Variants in AXDND1 observed in about 807,000 individuals in gnomAD.
The protein encoded by AXDND1 is axonemal dynein light chain domain containing 1.
AXDND1 carries 110 observed loss-of-function variants against 137.5 expected under a neutral mutation model. The observed-to-expected ratio is 0.80, with a 90% CI of 0.69 to 0.94. The LOEUF is 0.94. Among genes scored for constraint, AXDND1 ranks in the 40% least tolerant of loss-of-function variants. The pLI, the probability that AXDND1 is intolerant of heterozygous loss-of-function variation, is 0.00. For synonymous variants in AXDND1, 414 were observed against 399.7 expected (o/e 1.04, Z -0.43); for missense variants, 1,191 against 1,169.8 (o/e 1.02, Z -0.26).
At chr1:179,393,208 A>G (rs1412952925) in intron 9 of AXDND1, among the ~76,000 whole-genome samples, 2 of 152,082 alleles carry the variant, frequency 1.3e-5, no homozygotes, top group African/African-American at 4.8e-5. Context: ...TCCCAGCACC[A>G]TTTGTTGAAA....
chr1:179,383,412 T>C (rs1417956697), intron 7 of AXDND1, 30 bp from the exon 8 acceptor site: 2 of 1,527,456 alleles, frequency 1.3e-6, no homozygotes, highest in Non-Finnish European at 1.8e-6. Flanking sequence ...GCAATGTTAA[T>C]TGCATAAGTC....
intron 22 of AXDND1, among the ~76,000 whole-genome samples, chr1:179,527,035 C>T (rs1237540598): frequency 6.6e-6 from 1 of 152,194 alleles, no homozygotes; most frequent in South Asian, 2.1e-4. Flanking sequence ...GAATTCAGAG[C>T]GAGTTTGCAG....
chr1:179,381,283 CT>C (rs1436167881), intron 6 of AXDND1, among the ~76,000 whole-genome samples: 4 of 151,198 alleles, frequency 2.6e-5, no homozygotes, highest in Non-Finnish European at 5.9e-5. Context: ...CTCAGGTGAT[CT>C]GCCCGCTTTG....
intron 4 of AXDND1, among the ~76,000 whole-genome samples, chr1:179,372,033 G>A (rs1172212831): frequency 6.6e-6 from 1 of 152,154 alleles, no homozygotes; most frequent in African/African-American, 2.4e-5. Flanking sequence ...GACCTACAGA[G>A]CAGTAAGATA....
chr1:179,442,456 C>T (rs999593410), intron 15 of AXDND1, among the ~76,000 whole-genome samples: 4 of 152,310 alleles, frequency 2.6e-5, no homozygotes, highest in African/African-American at 9.6e-5. Flanking sequence ...CAATTTTCCA[C>T]ATCAAGAGTG....
intron 18 of AXDND1, among the ~76,000 whole-genome samples, chr1:179,486,958 A>G (rs148696830): frequency 0.014 from 2,046 of 148,798 alleles, 297 homozygotes; most frequent in African/African-American, 0.051. Flanking sequence ...GATCAAATCC[A>G]CACATATCAA....
chr1:179,547,402 A>G (rs1476136050), intron 25 of AXDND1, among the ~76,000 whole-genome samples: 2 of 152,352 alleles, frequency 1.3e-5, no homozygotes, highest in East Asian at 1.9e-4. Context: ...AAGCAAGCCT[A>G]CTAATCCCTC....
At chr1:179,449,377 CAT>C (rs1660212580) in intron 16 of AXDND1, 1 of 223,718 alleles carries the variant, frequency 4.5e-6, no homozygotes, top group Non-Finnish European at 9.2e-6. Flanking sequence ...CTATTCTACT[CAT>C]GTGTATGTTT....
At chr1:179,414,796 A>G (rs575430783) in intron 12 of AXDND1, among the ~76,000 whole-genome samples, 1 of 152,320 alleles carries the variant, frequency 6.6e-6, no homozygotes, top group South Asian at 2.1e-4. Flanking sequence ...GAATTTGGCA[A>G]GTTGTTTATA....
At chr1:179,418,214 G>C (rs982256292) in intron 12 of AXDND1, among the ~76,000 whole-genome samples, 2 of 151,912 alleles carry the variant, frequency 1.3e-5, no homozygotes, top group African/African-American at 4.8e-5. Context: ...CTGCCTTCAA[G>C]CATCTGTTTA....
rs1183546339 is a variant in AXDND1 at position 179,491,525 on chromosome 1, C to G, written c.2092-13C>G. On this transcript the variant is annotated splice_polypyrimidine_tract_variant and intron_variant, in intron 18 of 25. Coordinates refer to ENST00000367618, the MANE Select transcript of AXDND1 (RefSeq NM_144696.6). ...TAAAGTGGGTCATTTGTATTATACT[C>G]ATTTTTTAACAGATGGATGAGTTAC... 3 of 1,548,022 alleles carry G rather than the reference C, an allele frequency of 1.9e-6. No individual in the cohort carries two copies. The African/African-American group carries it at 4.1e-5, about 21-fold the overall frequency.
At chr1:179,521,274 G>T (rs1670036058) in intron 21 of AXDND1, among the ~76,000 whole-genome samples, 1 of 152,006 alleles carries the variant, frequency 6.6e-6, no homozygotes, top group Admixed American at 6.6e-5. Flanking sequence ...TATATGCTGT[G>T]ACTTTACTAA....
intron 11 of AXDND1, among the ~76,000 whole-genome samples, chr1:179,409,369 TA>T (rs79836504): frequency 6.6e-6 from 1 of 152,198 alleles, no homozygotes; most frequent in Admixed American, 6.6e-5. Context: ...AGGGGTTTTT[TA>T]AAAAAATATG....
At chr1:179,527,794 C>A (rs1302161193) in intron 22 of AXDND1, among the ~76,000 whole-genome samples, 1 of 152,150 alleles carries the variant, frequency 6.6e-6, no homozygotes, top group Admixed American at 6.5e-5. Context: ...CTCTTGGGGT[C>A]TGGGATAAGA....
At chr1:179,531,214 C>G (rs1372365314) in intron 23 of AXDND1, among the ~76,000 whole-genome samples, 3 of 152,074 alleles carry the variant, frequency 2.0e-5, no homozygotes, top group African/African-American at 7.2e-5. Flanking sequence ...AGAGTGGCAC[C>G]ATCCTGTTGT....
At chr1:179,387,203 C>T (rs1024572164) in intron 9 of AXDND1, among the ~76,000 whole-genome samples, 1 of 152,096 alleles carries the variant, frequency 6.6e-6, no homozygotes, top group Non-Finnish European at 1.5e-5. Context: ...GCTGCTATAA[C>T]AGAATATCAC....
At chr1:179,468,046 T>G (rs184001396) in intron 16 of AXDND1, among the ~76,000 whole-genome samples, 1 of 152,188 alleles carries the variant, frequency 6.6e-6, no homozygotes, top group African/African-American at 2.4e-5. Context: ...TCTATTTTAA[T>G]TTGTTATTCA....
chr1:179,412,704 C>T (rs969319212), intron 12 of AXDND1, among the ~76,000 whole-genome samples: 1 of 152,128 alleles, frequency 6.6e-6, no homozygotes. Flanking sequence ...ACTGGAGATC[C>T]TAATTCAGTA....
intron 20 of AXDND1, among the ~76,000 whole-genome samples, chr1:179,508,517 T>G (rs537615945): frequency 3.8e-4 from 58 of 152,136 alleles, no homozygotes; most frequent in Non-Finnish European, 7.4e-4. Context: ...TATTAACTAA[T>G]AAGGAATAAT....
Sources: allele counts gnomAD v4.1 joint callset (sites outside exome capture counted in the v4.1 genomes callset), GRCh38; gene constraint gnomAD v4.1.1; transcripts MANE v1.5; gene names NCBI Gene and HGNC (gene_info 2026-07-23, HGNC 2026-07-21).